The following SELENON variants were observed in gnomAD, a reference collection of about 807,000 sequenced individuals.
The protein encoded by SELENON is selenoprotein N.
A neutral mutation model predicts 59.5 loss-of-function variants in SELENON; 44 were observed. The observed-to-expected ratio is 0.74, with a 90% CI of 0.58 to 0.95. SELENON has a LOEUF of 0.95. Among genes scored for constraint, SELENON ranks in the 40% least tolerant of loss-of-function variants. The pLI is 0.00. For missense variants in SELENON, 674 were observed against 721.4 expected, an observed-to-expected ratio of 0.93 and a Z score of 0.75; for synonymous variants, 320 against 305.6, an observed-to-expected ratio of 1.05 and a Z score of -0.49.
rs1035976243 is a variant in SELENON, at chr1:25,801,040, C to T, written c.184-3C>T. ...GCCCAGCCCAGTCTCTCCTCCCAAG[C>T]AGGAACTGGCGCTGAAGACCCTGGG... On this transcript the variant is annotated splice_region_variant and splice_polypyrimidine_tract_variant and intron_variant, in intron 1 of 12. Transcript: ENST00000361547. 4 of 1,612,808 alleles carry T rather than the reference C, an allele frequency of 2.5e-6. No homozygotes were observed. The highest frequency in any genetic ancestry group is 3.4e-6 in the Non-Finnish European group (4 of 1,178,796).
intron 12 of SELENON, 76 bp from the exon 12 acceptor site, chr1:25,815,471 CT>C (rs1373636116): frequency 9.6e-6 from 12 of 1,255,606 alleles, no homozygotes; most frequent in Middle Eastern, 3.7e-4. Flanking sequence ...ATCCCTGCTT[CT>C]CCCCATAGAA....
At chr1:25,810,280 T>C (rs2047947134) in intron 7 of SELENON, among the ~76,000 whole-genome samples, 1 of 152,104 alleles carries the variant, frequency 6.6e-6, no homozygotes, top group Non-Finnish European at 1.5e-5. Context: ...GAACAGCACA[T>C]CCAAAGGCCA....
intron 12 of SELENON, among the ~76,000 whole-genome samples, chr1:25,814,844 G>C (rs2047996855): frequency 6.6e-6 from 1 of 152,110 alleles, no homozygotes; most frequent in Non-Finnish European, 1.5e-5. Flanking sequence ...TGTAGGAGGG[G>C]GCCGGCTTCC....
In SELENON at chr1:25,807,684, G is replaced by A. The variant is rs530475933; in HGVS notation, c.538-896G>A. Among the ~76,000 whole-genome samples, 84 of 152,290 alleles carry A rather than the reference G, an allele frequency of 5.5e-4. No individual in the cohort carries two copies. The highest frequency in any genetic ancestry group is 1.0e-3 in the South Asian group (5 of 4,818). Reference sequence around the variant, plus strand: ...CACAGCCAGCTCTGCCTTGAGAACCGCCTGTTAAATCTGTCTCTGTGGGAG... The same window carrying A: ...CACAGCCAGCTCTGCCTTGAGAACCACCTGTTAAATCTGTCTCTGTGGGAG... On this transcript the variant is annotated intron_variant, in intron 4 of 12. Transcript: ENST00000361547. This position sits in a 1 kb window ranked among gnomAD's most constrained non-coding sequence, Gnocchi z 4.5.
chr1:25,811,571 G>C, intron 8 of SELENON, 36 bp downstream of exon 7: 1 of 1,607,664 alleles, frequency 6.2e-7, no homozygotes, highest in Non-Finnish European at 8.5e-7. Context: ...AGGTGGGCTC[G>C]GCTGCAGGGC....
chr1:25,809,004 A>T, intron 5 of SELENON, 22 bp from the exon 5 acceptor site: 1 of 1,613,250 alleles, frequency 6.2e-7, no homozygotes, highest in Non-Finnish European at 8.5e-7. Context: ...GCAAGCCAGT[A>T]CGTGCCTCCC....
rs1303819848 is a variant in SELENON at position 25,808,639 on chromosome 1, A to G, written c.597A>G (p.Ala199=). Reference sequence around the variant, plus strand: ...GGACAGCCGCCGCCTCACCAAGTGCAGTGTTTGCCACCCGCCACTTCCAGC... The same window carrying G: ...GGACAGCCGCCGCCTCACCAAGTGCGGTGTTTGCCACCCGCCACTTCCAGC... Residue 199 remains alanine, a synonymous_variant, in exon 5 of 13, where the codon GCA becomes GCG. Coordinates refer to ENST00000361547, the MANE Select transcript of SELENON (RefSeq NM_020451.3). 1.2e-6 allele frequency: 2 copies of G among 1,613,574 alleles called. No individual in the cohort carries two copies. Among genetic ancestry groups the G allele is most frequent in the Non-Finnish European group, 8.5e-7 (1 of 1,179,894 alleles).
At chr1:25,801,788 C>T (rs1302970322) in intron 2 of SELENON, among the ~76,000 whole-genome samples, 1 of 152,166 alleles carries the variant, frequency 6.6e-6, no homozygotes, top group Non-Finnish European at 1.5e-5. Flanking sequence ...GGGAGATGGA[C>T]ACTGTCATGA....
chr1:25,809,942 A>G, intron 7 of SELENON, 122 bp downstream of exon 6: 2 of 1,271,470 alleles, frequency 1.6e-6, no homozygotes, highest in Non-Finnish European at 2.3e-6. Flanking sequence ...AGCCCATCTC[A>G]TGGGGCTGAC....
chr1:25,808,730 A>T lies in SELENON; in HGVS notation c.688A>T (p.Met230Leu), dbSNP rs1207166594. The T allele has an allele frequency of 6.2e-7, 1 of 1,613,972 alleles. No homozygotes were observed. The highest frequency in any genetic ancestry group is 1.1e-5 in the South Asian group (1 of 91,092). ...GTGGATCATCCCCAGTGAGCTGAGC[A>T]TGTTCACTGGCTACCTGTCCAACAA... Residue 230 changes from methionine (M) to leucine (L), a missense_variant, in exon 5 of 13, where the codon ATG becomes TTG. By Grantham distance (15) the Met-to-Leu change is conservative (BLOSUM62 2). Coordinates refer to ENST00000361547, the MANE Select transcript of SELENON (RefSeq NM_020451.3).
chr1:25,812,826 G>A (rs2047978407), intron 10 of SELENON, 34 bp downstream of exon 9: 6 of 1,518,394 alleles, frequency 4.0e-6, no homozygotes, highest in Non-Finnish European at 5.5e-6. Flanking sequence ...GGGGAGCAGT[G>A]GGAAAGTCCA....
chr1:25,804,183 A>G (rs2047882934), intron 3 of SELENON, among the ~76,000 whole-genome samples: 1 of 152,236 alleles, frequency 6.6e-6, no homozygotes, highest in Non-Finnish European at 1.5e-5. Flanking sequence ...GATTTGGATC[A>G]GGAGCAGCAG....
At position 25,815,583 on chromosome 1, in the gene SELENON, C is replaced by A; in HGVS notation, c.1638C>A (p.Ile546=). 1 of 1,614,210 alleles carries A rather than the reference C, an allele frequency of 6.2e-7. No individual in the cohort carries two copies. Among genetic ancestry groups the A allele is most frequent in the Non-Finnish European group, 8.5e-7 (1 of 1,180,044 alleles). Residue 546 remains isoleucine, a synonymous_variant, in exon 13 of 13, where the codon ATC becomes ATA. Transcript: ENST00000361547. Reference sequence around the variant, plus strand: ...TCAATGCCAACTACTTCTTGGACATCACCTCCGTGAAGCCCGAGGAAATCG... The same window carrying A: ...TCAATGCCAACTACTTCTTGGACATAACCTCCGTGAAGCCCGAGGAAATCG...
intron 2 of SELENON, 77 bp downstream of exon 2, chr1:25,801,237 G>C: frequency 9.0e-7 from 1 of 1,108,366 alleles, no homozygotes; most frequent in South Asian, 1.2e-5. Context: ...GCGGCCGTCT[G>C]GAGTGGAGGG....
At chr1:25,815,405 G>A (rs1572237751) in intron 12 of SELENON, 143 bp from the exon 12 acceptor site, 9 of 719,742 alleles carry the variant, frequency 1.3e-5, no homozygotes, top group Non-Finnish European at 1.9e-5. Context: ...GAGGGCTTAC[G>A]GCAGCACTGC....
intron 4 of SELENON, among the ~76,000 whole-genome samples, chr1:25,808,297 C>T (rs545370468): frequency 2.0e-5 from 3 of 151,432 alleles, no homozygotes; most frequent in Non-Finnish European, 1.5e-5. Flanking sequence ...GCCTGGGCTG[C>T]GCCTGGGTGG....
At chr1:25,813,457 A>G (rs968766403) in intron 10 of SELENON, 1 of 354,936 alleles carries the variant, frequency 2.8e-6, no homozygotes, top group Admixed American at 3.8e-5. Context: ...GACAGTCCAG[A>G]GTGGCACCAG....
Position 25,816,176 on chromosome 1 carries a change from G to A in SELENON, c.*458G>A, listed in dbSNP as rs768317568. ...CCAGGAGGGGCCAGGCTGCCAAGGC[G>A]GCTCCCCTGTTTATCTAGAGCCTTC... On this transcript the variant is annotated 3_prime_UTR_variant, in exon 13 of 13. Transcript: ENST00000361547. The A allele has an allele frequency of 2.4e-5, 4 of 165,904 alleles. No homozygotes were observed. The highest frequency in any genetic ancestry group is 1.8e-4 in the East Asian group (1 of 5,652). 10.3% of individuals were successfully genotyped at this position (165,904 alleles called of 1,614,324 possible). A position where few individuals can be genotyped will look rare whatever the true frequency, so the allele number is the denominator to read the frequency against.
rs2047948649 is a variant in SELENON, at chr1:25,810,484, C to G, written c.1010+664C>G. ...CACCGAGTGGGCCTGAGTGACCGCTCTACAGGGATGAGACCTGGCTGGGAG... is the reference window on the plus strand; with the variant it reads ...CACCGAGTGGGCCTGAGTGACCGCTGTACAGGGATGAGACCTGGCTGGGAG... On this transcript the variant is annotated intron_variant, in intron 7 of 12. Transcript: ENST00000361547. 2.0e-5 allele frequency among the ~76,000 whole-genome samples: 3 copies of G among 152,356 alleles called. No individual in the cohort carries two copies. The South Asian group carries it at 6.2e-4, about 32-fold the overall frequency.
Sources: gnomAD v4.1 joint callset for allele counts (sites outside exome capture counted in the v4.1 genomes callset) on GRCh38, gnomAD v4.1.1 for gene constraint, Gnocchi (gnomAD v3.1) non-coding constraint, MANE v1.5 for transcripts, NCBI Gene and HGNC (gene_info 2026-07-23, HGNC 2026-07-21) for gene names.